The following GNPTAB variants were observed in gnomAD, a reference collection of about 807,000 sequenced individuals.
The protein encoded by GNPTAB is N-acetylglucosamine-1-phosphate transferase subunits alpha and beta.
In GNPTAB, 92 loss-of-function variants were observed where a neutral mutation model predicts 136.6. The ratio of observed to expected loss-of-function variants is 0.67; its 90% CI spans 0.57 to 0.80. The LOEUF (loss-of-function observed/expected upper bound fraction) is 0.80. Ranked by LOEUF, GNPTAB falls within the 30% of genes least tolerant of loss-of-function variation. GNPTAB has a pLI of 0.00. For missense variants in GNPTAB, 1,343 were observed against 1,501.8 expected (o/e 0.89, Z 1.75); for synonymous variants, 512 against 535.1 (o/e 0.96, Z 0.60).
chr12:101,768,785 A>C (rs1953130720), intron 10 of GNPTAB, among the ~76,000 whole-genome samples: 1 of 152,104 alleles, frequency 6.6e-6, no homozygotes, highest in African/African-American at 2.4e-5. Flanking sequence ...TTCTAATTGG[A>C]ATGTCTTTTT....
At chr12:101,804,415 CTA>C (rs1431069008) in intron 1 of GNPTAB, among the ~76,000 whole-genome samples, 1 of 151,838 alleles carries the variant, frequency 6.6e-6, no homozygotes, top group African/African-American at 2.4e-5. Context: ...CTGAATATAT[CTA>C]TGTTGTTTGT....
intron 1 of GNPTAB, among the ~76,000 whole-genome samples, chr12:101,826,777 T>C (rs555787010): frequency 9.5e-4 from 144 of 152,244 alleles, no homozygotes; most frequent in South Asian, 1.9e-3. Flanking sequence ...GAACAAATTA[T>C]TTAAAAACCA....
intron 9 of GNPTAB, 62 bp downstream of exon 9, chr12:101,770,344 G>A (rs1166874943): frequency 7.2e-7 from 1 of 1,394,836 alleles, no homozygotes; most frequent in East Asian, 2.3e-5. Flanking sequence ...GGAAATCCCT[G>A]TACCACACTA....
At chr12:101,792,318 G>A (rs1384431367) in intron 2 of GNPTAB, among the ~76,000 whole-genome samples, 1 of 152,198 alleles carries the variant, frequency 6.6e-6, no homozygotes, top group Non-Finnish European at 1.5e-5. Flanking sequence ...AGAGGAAATG[G>A]AAGAGAATAG....
Position 101,801,231 on chromosome 12 carries a change from C to CCA in GNPTAB, c.118-4470_118-4469insTG, listed in dbSNP as rs1869603194. The stretch of plus-strand genomic sequence containing the variant: ...TAGGTGACAGAACGAGACCCTGTCT[C>CCA]AAAAAAAAAAAAAAAAAAAAAAAAA... On this transcript the variant is annotated intron_variant, in intron 1 of 20. Transcript: ENST00000299314. Among the ~76,000 whole-genome samples, 32 of 12,752 alleles carry CCA rather than the reference C, an allele frequency of 2.5e-3. 1 individual carries two copies. Among genetic ancestry groups the CCA allele is most frequent in the African/African-American group, 9.9e-3 (31 of 3,132 alleles). 8.4% of individuals were successfully genotyped at this position (12,752 alleles called of 152,430 possible).
chr12:101,762,866 C>T (rs1594212277), intron 13 of GNPTAB, among the ~76,000 whole-genome samples: 1 of 136,926 alleles, frequency 7.3e-6, no homozygotes, highest in African/African-American at 2.8e-5. Flanking sequence ...GAATTGTTTG[C>T]AATTTTTACT....
At position 101,764,907 on chromosome 12, in the gene GNPTAB, G is replaced by A. The variant is rs759735602; in HGVS notation, c.2010C>T (p.Pro670=). 2.5e-6 allele frequency: 4 copies of A among 1,613,976 alleles called. No individual in the cohort carries two copies. In the East Asian group the frequency reaches 8.9e-5, roughly 36 times the overall value. The change falls in exon 13 of 21, where the codon CCC becomes CCT. Residue 670 remains proline, a synonymous_variant. Transcript: ENST00000299314. ...TAAACTTCGGGAAGCGTTTTTCTTT[G>A]GGAATATCCTCAAAAAGGATTTCCG... ...PEAEILFEDI[P]KEKRFPKFKR...
chr12:101,755,270 G>C lies in GNPTAB; in HGVS notation c.3435-1731C>G, dbSNP rs143707466. Among the ~76,000 whole-genome samples the C allele has an allele frequency of 2.9e-3, 435 of 152,276 alleles. 2 individuals carry two copies. The highest frequency in any genetic ancestry group is 4.4e-3 in the Admixed American group (67 of 15,296). Reference sequence around the variant, plus strand: ...GGAAGTAAATAAATATAAATCACTTGTCTTCCTTCTGAAGAAGGAAGTTTT... The same window carrying C: ...GGAAGTAAATAAATATAAATCACTTCTCTTCCTTCTGAAGAAGGAAGTTTT... On this transcript the variant is annotated intron_variant, in intron 18 of 20. Coordinates refer to ENST00000299314, the MANE Select transcript of GNPTAB (RefSeq NM_024312.5).
chr12:101,830,530 C>T (rs766347325), intron 1 of GNPTAB, 29 bp downstream of exon 1: 6 of 1,379,118 alleles, frequency 4.4e-6, no homozygotes, highest in Non-Finnish European at 6.2e-6. Context: ...GTCGAGGCGC[C>T]CGGTCCAGGC....
intron 1 of GNPTAB, among the ~76,000 whole-genome samples, chr12:101,808,019 A>T (rs923101989): frequency 6.6e-6 from 1 of 152,186 alleles, no homozygotes; most frequent in Non-Finnish European, 1.5e-5. Context: ...CTGCTAAAAA[A>T]GAAAAATAAG....
chr12:101,802,258 G>T (rs1044056160), intron 1 of GNPTAB, among the ~76,000 whole-genome samples: 1 of 148,160 alleles, frequency 6.7e-6, no homozygotes, highest in Non-Finnish European at 1.5e-5. Context: ...AAGAAAGAAA[G>T]AAATGAAAAT....
At chr12:101,748,683 T>C (rs1452215100) in intron 20 of GNPTAB, among the ~76,000 whole-genome samples, 1 of 152,094 alleles carries the variant, frequency 6.6e-6, no homozygotes, top group African/African-American at 2.4e-5. Context: ...CTGGTGTGAG[T>C]GGGACAACAC....
chr12:101,756,174 T>TA (rs1247478975), intron 18 of GNPTAB: 2 of 154,680 alleles, frequency 1.3e-5, no homozygotes, highest in Non-Finnish European at 2.9e-5. Flanking sequence ...AAACATTTTG[T>TA]AAAAAATCAA....
At chr12:101,809,275 C>A (rs1357351078) in intron 1 of GNPTAB, among the ~76,000 whole-genome samples, 2 of 152,152 alleles carry the variant, frequency 1.3e-5, no homozygotes, top group African/African-American at 4.8e-5. Flanking sequence ...AAATCCAAAA[C>A]ACTGACAACA....
At chr12:101,828,583 C>A (rs1433385850) in intron 1 of GNPTAB, among the ~76,000 whole-genome samples, 2 of 151,580 alleles carry the variant, frequency 1.3e-5, no homozygotes, top group Non-Finnish European at 1.5e-5. Context: ...CACGTGAACC[C>A]AGGAGGCGAG....
In GNPTAB at chr12:101,765,032, T is replaced by A. The variant is rs374265672; in HGVS notation, c.1885A>T (p.Ile629Leu). The part of the protein sequence containing the change: ...NTNDEEFKMQ[I>L]TVEVDTREGP... The stretch of plus-strand genomic sequence containing the variant: ...TCCCTTGTGTCCACCTCCACTGTTA[T>A]CTGCATTTTGAACTCTTCATCGTTT... The change falls in exon 13 of 21, where the codon ATA becomes TTA. Residue 629 changes from isoleucine (I) to leucine (L), a missense_variant. Transcript: ENST00000299314. 10 of 1,614,126 alleles carry A rather than the reference T, an allele frequency of 6.2e-6. No individual in the cohort carries two copies. The highest frequency in any genetic ancestry group is 2.2e-5 in the East Asian group (1 of 44,902).
chr12:101,779,152 A>G (rs1459737066), intron 7 of GNPTAB: 1 of 152,188 alleles, frequency 6.6e-6, no homozygotes, highest in Non-Finnish European at 1.5e-5. Context: ...CCACTACTCC[A>G]TCTTCATCCT....
In GNPTAB at chr12:101,764,782, T is replaced by A; in HGVS notation, c.2135A>T (p.Asn712Ile). The A allele has an allele frequency of 1.2e-6, 2 of 1,614,236 alleles. No individual in the cohort carries two copies. The highest frequency in any genetic ancestry group is 1.7e-6 in the Non-Finnish European group (2 of 1,180,030). The change falls in exon 13 of 21, where the codon AAT becomes ATT. Residue 712 changes from asparagine (N) to isoleucine (I), a missense_variant. Transcript: ENST00000299314. ...ATGTTCCAGTTGCAAATCCAAGGTA[T>A]TGAGACTCAACTGGGCGTCTTTTGG... ...LLPKDAQLSLNTLDLQLEHGD... is the reference protein window; with the variant it reads ...LLPKDAQLSLITLDLQLEHGD...
chr12:101,779,991 A>G, intron 7 of GNPTAB, 161 bp downstream of exon 7: 1 of 732,614 alleles, frequency 1.4e-6, no homozygotes, highest in Non-Finnish European at 2.3e-6. Context: ...TTTTTGCCCA[A>G]ATTAAAAGTA....
Sources: gnomAD v4.1 joint callset for allele counts (sites outside exome capture counted in the v4.1 genomes callset) on GRCh38, gnomAD v4.1.1 for gene constraint, MANE v1.5 for transcripts, NCBI Gene and HGNC (gene_info 2026-07-23, HGNC 2026-07-21) for gene names.